Variants in KLRG2 observed in about 807,000 individuals in gnomAD.
The protein encoded by KLRG2 is killer cell lectin like receptor G2, also known as killer cell lectin-like receptor subfamily G member 2.
Under a neutral mutation model 35.4 loss-of-function variants are expected in KLRG2, and 39 were observed. The observed-to-expected ratio is 1.10, with a 90% CI of 0.85 to 1.44. The LOEUF (loss-of-function observed/expected upper bound fraction) is 1.44, where lower values mean the gene tolerates loss of function less well. Ranked by LOEUF, KLRG2 falls within the 40% of genes most tolerant of loss-of-function variation. The probability of loss-of-function intolerance (pLI) is 0.00; values close to 1 mark genes in which losing one functional copy is unlikely to be tolerated. For missense variants in KLRG2, 632 were observed against 570.9 expected, an observed-to-expected ratio of 1.11 and a Z score of -1.09; for synonymous variants, 283 against 265.8, an observed-to-expected ratio of 1.06 and a Z score of -0.63.
Position 139,483,613 on chromosome 7 carries a change from T to C in KLRG2, c.30A>G (p.Gly10=). The change falls in exon 1 of 5, where the codon GGA becomes GGG. Residue 10 remains glycine, a synonymous_variant. Transcript: ENST00000340940. MEESWEAAP[G]GQAGAELPME... The stretch of plus-strand genomic sequence containing the variant: ...TTGGGAGCTCTGCCCCGGCTTGGCC[T>C]CCGGGCGCAGCCTCCCAAGACTCCT... 6.3e-7 allele frequency: 1 copy of C among 1,577,246 alleles called. No individual in the cohort carries two copies. The highest frequency in any genetic ancestry group is 2.3e-5 in the East Asian group (1 of 43,446).
intron 3 of KLRG2, among the ~76,000 whole-genome samples, chr7:139,459,109 T>A (rs1385561298): frequency 6.6e-6 from 1 of 152,252 alleles, no homozygotes; most frequent in Non-Finnish European, 1.5e-5. Context: ...TCTGCAGATT[T>A]ACTTATGTTT....
At chr7:139,480,439 CTTTTTTTTTT>C (rs892455272) in intron 1 of KLRG2, among the ~76,000 whole-genome samples, 192 bp from the exon 2 acceptor site, 2 of 85,202 alleles carry the variant, frequency 2.3e-5, no homozygotes, top group Non-Finnish European at 2.1e-5. Flanking sequence ...GCCAGATATT[CTTTTTTTTTT>C]TTTTTTTTTT....
At chr7:139,473,154 C>A (rs58736413) in intron 3 of KLRG2, among the ~76,000 whole-genome samples, 3,717 of 152,118 alleles carry the variant, frequency 0.024, 150 homozygotes, top group African/African-American at 0.084. Context: ...GGTGGTTCGA[C>A]CCTATAATCC....
intron 3 of KLRG2, among the ~76,000 whole-genome samples, chr7:139,477,724 C>T (rs1014479233): frequency 6.6e-6 from 1 of 151,822 alleles, no homozygotes; most frequent in Admixed American, 6.6e-5. Flanking sequence ...CTTAAAATGG[C>T]TAGGATGGTA....
At position 139,454,148 on chromosome 7, in the gene KLRG2, A is replaced by G. The variant is rs1796418461; in HGVS notation, c.1072T>C (p.Trp358Arg). ...WVGAWRGPQG[W>R]HWIDEAPLPP... ...AGTGGGGCCTCGTCGATCCAGTGCC[A>G]GCCCTGGGGGCCTCGCCAGGCCCCC... Residue 358 changes from tryptophan (W) to arginine (R), a missense_variant, in exon 4 of 5, where the codon TGG becomes CGG. By Grantham distance (101) the Trp-to-Arg change is moderately radical. Transcript: ENST00000340940. The G allele has an allele frequency of 1.3e-6, 2 of 1,546,218 alleles. No homozygotes were observed. Among genetic ancestry groups the G allele is most frequent in the Non-Finnish European group, 1.7e-6 (2 of 1,144,418 alleles).
chr7:139,459,482 A>G (rs888880951), intron 3 of KLRG2, among the ~76,000 whole-genome samples: 1 of 152,126 alleles, frequency 6.6e-6, no homozygotes. Context: ...ACAGGCCTTC[A>G]ATTTGCAGAT....
chr7:139,439,985 C>T, the KLRG2 span, among the ~76,000 whole-genome samples: 1 of 152,126 alleles, frequency 6.6e-6, no homozygotes, highest in Non-Finnish European at 1.5e-5. Context: ...CTGATGGTGC[C>T]GAGGAAGGAT....
intron 3 of KLRG2, among the ~76,000 whole-genome samples, chr7:139,478,807 T>C (rs1288243292): frequency 6.6e-6 from 1 of 152,164 alleles, no homozygotes; most frequent in Admixed American, 6.6e-5. Context: ...CCCATGGGGA[T>C]GGAATATTCT....
the KLRG2 span, among the ~76,000 whole-genome samples, chr7:139,431,183 G>A: frequency 6.6e-6 from 1 of 152,288 alleles, no homozygotes; most frequent in South Asian, 2.1e-4. Context: ...AATTCTCTAT[G>A]TGAAATCCTA....
chr7:139,441,437 CAG>C, the KLRG2 span, among the ~76,000 whole-genome samples: 6 of 151,764 alleles, frequency 4.0e-5, no homozygotes, highest in East Asian at 3.9e-4. Flanking sequence ...CACATGGACA[CAG>C]AGAGGGGAAC....
chr7:139,455,845 A>T (rs900826081), intron 3 of KLRG2, among the ~76,000 whole-genome samples: 10 of 152,240 alleles, frequency 6.6e-5, no homozygotes, highest in African/African-American at 2.4e-4. Context: ...TTATCTAAAG[A>T]TAACACGGTG....
downstream of KLRG2, among the ~76,000 whole-genome samples, chr7:139,451,059 G>C (rs1047821977): frequency 4.6e-5 from 7 of 152,222 alleles, no homozygotes; most frequent in Admixed American, 2.0e-4. Context: ...ATTGCTGGCT[G>C]AGCAAGTCAG....
chr7:139,438,495 G>T, the KLRG2 span, among the ~76,000 whole-genome samples: 1 of 152,298 alleles, frequency 6.6e-6, no homozygotes, highest in Admixed American at 6.5e-5. Flanking sequence ...GGGATTAGAG[G>T]CGTGAGCCAC....
At position 139,483,007 on chromosome 7, in the gene KLRG2, G is replaced by A. The variant is rs1159335771; in HGVS notation, c.636C>T (p.Ser212=). ...AGCGGCAGCACGTGGGGGAGCCCGGGGAGCCGGCGCTTCCTTCCGCGGGGC... is the reference window on the plus strand; with the variant it reads ...AGCGGCAGCACGTGGGGGAGCCCGGAGAGCCGGCGCTTCCTTCCGCGGGGC... The part of the protein sequence containing the change: ...RASPAEGSAG[S]PGSPTCCRCK... Residue 212 remains serine, a synonymous_variant, in exon 1 of 5, where the codon TCC becomes TCT. Transcript: ENST00000340940. 12 of 1,375,016 alleles carry A rather than the reference G, an allele frequency of 8.7e-6. No individual in the cohort carries two copies. Among genetic ancestry groups the A allele is most frequent in the Admixed American group, 3.8e-5 (1 of 26,190 alleles). 85.2% of individuals were successfully genotyped at this position (1,375,016 alleles called of 1,614,324 possible).
At chr7:139,478,924 A>T (rs571027469) in intron 3 of KLRG2, among the ~76,000 whole-genome samples, 4 of 152,150 alleles carry the variant, frequency 2.6e-5, no homozygotes, top group African/African-American at 9.6e-5. Flanking sequence ...GAGACCAACG[A>T]TTAAAAACAT....
At chr7:139,431,587 TG>T in the KLRG2 span, among the ~76,000 whole-genome samples, 1 of 152,152 alleles carries the variant, frequency 6.6e-6, no homozygotes, top group Non-Finnish European at 1.5e-5. Context: ...TATCCAGAGC[TG>T]CTCTTCTGTG....
intron 3 of KLRG2, among the ~76,000 whole-genome samples, chr7:139,455,321 AT>A (rs557794592): frequency 0.015 from 1,792 of 122,504 alleles, 21 homozygotes; most frequent in African/African-American, 0.034. Context: ...CCCGGCCAAG[AT>A]TTTTTTTTTT....
At chr7:139,430,238 A>G in the KLRG2 span, among the ~76,000 whole-genome samples, 1 of 152,052 alleles carries the variant, frequency 6.6e-6, no homozygotes, top group South Asian at 2.1e-4. Context: ...CCCCATCTCT[A>G]CTAAAAATAC....
At chr7:139,455,546 C>A (rs1796462032) in intron 3 of KLRG2, among the ~76,000 whole-genome samples, 1 of 151,646 alleles carries the variant, frequency 6.6e-6, no homozygotes, top group African/African-American at 2.4e-5. Flanking sequence ...TGGTCTCGAT[C>A]TCCTGACCTC....
Sources: allele counts gnomAD v4.1 joint callset (sites outside exome capture counted in the v4.1 genomes callset), GRCh38; gene constraint gnomAD v4.1.1; transcripts MANE v1.5; gene names NCBI Gene and HGNC (gene_info 2026-07-23, HGNC 2026-07-21).